Variants in BRWD3 observed in about 807,000 individuals in gnomAD.
BRWD3 encodes the protein bromodomain and WD repeat-containing protein 3.
BRWD3 carries 10 observed loss-of-function variants against 149.7 expected under a neutral mutation model. That is an observed-to-expected ratio of 0.07 (90% CI 0.04 to 0.11). BRWD3 has a LOEUF of 0.11. Ranked by LOEUF, BRWD3 falls within the 10% of genes least tolerant of loss-of-function variation. The pLI is 1.00. For missense variants in BRWD3, 940 were observed against 1,373.2 expected, an observed-to-expected ratio of 0.68 and a Z score of 4.99; for synonymous variants, 504 against 456.7, an observed-to-expected ratio of 1.10 and a Z score of -1.32.
intron 6 of BRWD3, among the ~76,000 whole-genome samples, chrX:80,749,447 G>A (rs186304049): frequency 9.0e-6 from 1 of 111,176 alleles, no homozygotes; most frequent in East Asian, 2.8e-4. Context: ...TACATATGAC[G>A]TTTTTTGTCA....
At chrX:80,725,714 CAT>C (rs1279254706) in intron 14 of BRWD3, among the ~76,000 whole-genome samples, 44 of 109,784 alleles carry the variant, frequency 4.0e-4, no homozygotes, top group African/African-American at 1.4e-3. Context: ...GCCTATATAA[CAT>C]ATAACATGTT....
At chrX:80,726,486 C>G (rs2147763397) in intron 14 of BRWD3, among the ~76,000 whole-genome samples, 1 of 110,311 alleles carries the variant, frequency 9.1e-6, no homozygotes, top group Admixed American at 9.7e-5. Flanking sequence ...GGACTTAACT[C>G]CTGACTAGAG....
In BRWD3 at chrX:80,763,051, T is replaced by C. The variant is rs750122635; in HGVS notation, c.431-17322A>G. Among the ~76,000 whole-genome samples, 6 of 111,879 alleles carry C rather than the reference T, an allele frequency of 5.4e-5. No homozygotes were observed. The South Asian group carries it at 2.2e-3, about 42-fold the overall frequency. On this transcript the variant is annotated intron_variant, in intron 6 of 40. Transcript: ENST00000373275. The stretch of plus-strand genomic sequence containing the variant: ...TACCTATACTTTGCTGCCCAGAGTC[T>C]ATGATATATTTTTTAAATCCCCTTT...
chrX:80,687,094 A>G (rs1569246184), intron 34 of BRWD3, 91 bp from the exon 35 acceptor site: 1 of 535,238 alleles, frequency 1.9e-6, no homozygotes, highest in African/African-American at 5.0e-5. Flanking sequence ...ACCTATCTGT[A>G]TGTGTGTATA....
chrX:80,740,193 T>C (rs1019778371), intron 8 of BRWD3, among the ~76,000 whole-genome samples: 1 of 112,161 alleles, frequency 8.9e-6, no homozygotes, highest in Non-Finnish European at 1.9e-5. Flanking sequence ...AAAAATGGCA[T>C]ACTTATTATT....
chrX:80,679,928 T>A (rs1241326524), intron 40 of BRWD3, among the ~76,000 whole-genome samples: 4 of 111,313 alleles, frequency 3.6e-5, no homozygotes, highest in African/African-American at 1.3e-4. Context: ...GGCAATGGCA[T>A]AAGTATGCAA....
intron 17 of BRWD3, 134 bp from the exon 18 acceptor site, chrX:80,719,790 TG>T: frequency 1.6e-6 from 1 of 610,615 alleles, no homozygotes; most frequent in East Asian, 3.5e-5. Context: ...ATATATCAAA[TG>T]AAACATTTGT....
chrX:80,710,525 A>G (rs2147728829), intron 20 of BRWD3: 1 of 416,832 alleles, frequency 2.4e-6, no homozygotes, highest in East Asian at 5.4e-5. Context: ...GCAGAACAGG[A>G]CATAACTACA....
intron 21 of BRWD3, among the ~76,000 whole-genome samples, chrX:80,708,553 C>T (rs1351497010): frequency 9.1e-6 from 1 of 109,909 alleles, no homozygotes; most frequent in East Asian, 2.9e-4. Context: ...CAGTGGCTCA[C>T]GCCTGTAATC....
intron 15 of BRWD3, among the ~76,000 whole-genome samples, chrX:80,724,516 C>T (rs993478645): frequency 9.0e-6 from 1 of 111,472 alleles, no homozygotes; most frequent in African/African-American, 3.3e-5. Context: ...AAAGAACATC[C>T]GTATCTCCAA....
At chrX:80,719,307 C>T (rs1390074536) in intron 18 of BRWD3, among the ~76,000 whole-genome samples, 182 bp downstream of exon 18, 1 of 111,235 alleles carries the variant, frequency 9.0e-6, no homozygotes, top group African/African-American at 3.3e-5. Context: ...CTCAGGAGAC[C>T]TTAAGTCATT....
At chrX:80,688,800 A>G (rs1480393048) in intron 33 of BRWD3, among the ~76,000 whole-genome samples, 2 of 111,209 alleles carry the variant, frequency 1.8e-5, no homozygotes. Context: ...TCAAACTAAA[A>G]TATATTTATG....
rs1285147452 is a variant in BRWD3 at position 80,736,073 on chromosome X, T to C, written c.829A>G (p.Lys277Glu). Residue 277 changes from lysine (K) to glutamate (E), a missense_variant, in exon 9 of 41, where the codon AAA becomes GAA. Lys to Glu is a moderately conservative substitution (Grantham distance 56, BLOSUM62 1). Transcript: ENST00000373275. ...GAAGTGAGGTATCTGTTTGTGCCTT[T>C]AGTTGATGGACAAAACTTAAAAAAA... Reference protein sequence around the residue: ...ITSIQFCPSTKGTNRYLTSTG... With the variant: ...ITSIQFCPSTEGTNRYLTSTG... 10 of 1,180,850 alleles carry C rather than the reference T, an allele frequency of 8.5e-6. No homozygotes were observed. The highest frequency in any genetic ancestry group is 1.1e-5 in the Non-Finnish European group (10 of 876,028).
intron 24 of BRWD3, among the ~76,000 whole-genome samples, chrX:80,701,562 A>G (rs2072789673): frequency 9.5e-6 from 1 of 105,693 alleles, no homozygotes; most frequent in South Asian, 4.1e-4. Flanking sequence ...AAAAAAAAAA[A>G]AAAAAAAAAA....
intron 24 of BRWD3, among the ~76,000 whole-genome samples, chrX:80,700,848 TAG>T (rs1209056425): frequency 9.0e-6 from 1 of 111,185 alleles, no homozygotes; most frequent in Admixed American, 9.6e-5. Flanking sequence ...ATAAGTAATA[TAG>T]AGATAATTTA....
At chrX:80,753,831 T>A (rs2073703221) in intron 6 of BRWD3, among the ~76,000 whole-genome samples, 1 of 111,515 alleles carries the variant, frequency 9.0e-6, no homozygotes, top group African/African-American at 3.3e-5. Flanking sequence ...CAGTTGGCTA[T>A]AAATATGTAG....
intron 6 of BRWD3, among the ~76,000 whole-genome samples, chrX:80,753,068 T>C (rs949621123): frequency 2.7e-5 from 3 of 111,769 alleles, no homozygotes; most frequent in Non-Finnish European, 3.8e-5. Context: ...TGAGTTTTGT[T>C]GTTGAGTTGA....
chrX:80,786,436 C>T (rs758227101), intron 6 of BRWD3, among the ~76,000 whole-genome samples: 6 of 110,870 alleles, frequency 5.4e-5, no homozygotes, highest in Non-Finnish European at 9.4e-5. Flanking sequence ...TATCATTATA[C>T]TTAATGGTGA....
intron 8 of BRWD3, among the ~76,000 whole-genome samples, chrX:80,740,418 T>C (rs772917937): frequency 3.4e-4 from 38 of 112,018 alleles, no homozygotes; most frequent in African/African-American, 1.2e-3. Flanking sequence ...TGTGGACAAT[T>C]ATTAAAAGAA....
Sources: gnomAD v4.1 joint callset for allele counts (sites outside exome capture counted in the v4.1 genomes callset) on GRCh38, gnomAD v4.1.1 for gene constraint, MANE v1.5 for transcripts, NCBI Gene and HGNC (gene_info 2026-07-23, HGNC 2026-07-21) for gene names.